SCAF8: variants seen among roughly 807,000 people sequenced by gnomAD.
The protein encoded by SCAF8 is SR-related CTD associated factor 8, also known as SR-related and CTD-associated factor 8.
SCAF8 carries 23 observed loss-of-function variants against 140.5 expected under a neutral mutation model. That is an observed-to-expected ratio of 0.16 (90% confidence interval 0.12 to 0.23). The LOEUF is 0.23. SCAF8 is among the 10% of genes least tolerant of loss of function. The pLI is 1.00. For missense variants in SCAF8, 1,397 were observed against 1,555.7 expected, an observed-to-expected ratio of 0.90 and a Z score of 1.72; for synonymous variants, 575 against 528.9, an observed-to-expected ratio of 1.09 and a Z score of -1.20.
intron 14 of SCAF8, among the ~76,000 whole-genome samples, chr6:154,818,814 C>T (rs1218370449): frequency 6.6e-6 from 1 of 152,114 alleles, no homozygotes; most frequent in African/African-American, 2.4e-5. Context: ...AAAAATAAGT[C>T]CAATAACGAG....
chr6:154,745,148 T>TGAAGAGGAGGAA (rs1200233298), intron 1 of SCAF8, among the ~76,000 whole-genome samples: 5 of 152,198 alleles, frequency 3.3e-5, no homozygotes, highest in Non-Finnish European at 1.5e-5. Context: ...GTGAATCAAT[T>TGAAGAGGAGGAA]GGTTACTCCT....
At chr6:154,809,019 C>A (rs981866280) in intron 11 of SCAF8, among the ~76,000 whole-genome samples, 2 of 152,106 alleles carry the variant, frequency 1.3e-5, no homozygotes, top group African/African-American at 4.8e-5. Context: ...GCAGCCATAT[C>A]ATGAGACAGG....
intron 1 of SCAF8, among the ~76,000 whole-genome samples, chr6:154,769,602 T>C (rs1776678733): frequency 1.3e-5 from 2 of 152,236 alleles, no homozygotes; most frequent in African/African-American, 4.8e-5. Context: ...TGAGCTGTTC[T>C]AGTGTGCTCT....
chr6:154,816,362 C>A (rs1373036989), intron 13 of SCAF8, among the ~76,000 whole-genome samples: 1 of 152,184 alleles, frequency 6.6e-6, no homozygotes, highest in Non-Finnish European at 1.5e-5. Flanking sequence ...GAGCATAACT[C>A]TTTCACTCTT....
Position 154,770,367 on chromosome 6 carries a change from G to GGT in SCAF8, c.31-3621_31-3620dup, listed in dbSNP as rs1304568231. 1.9e-4 allele frequency among the ~76,000 whole-genome samples: 28 copies of GGT among 148,720 alleles called. No individual in the cohort carries two copies. In the East Asian group the frequency reaches 4.7e-3, roughly 25 times the overall value. Reference sequence around the variant, plus strand: ...TAGTGCCAGCTACTTGAGAGGTTGAGGTACACACACACACACACACACTCT... The same window carrying GGT: ...TAGTGCCAGCTACTTGAGAGGTTGAGGTGTACACACACACACACACACACTCT... On this transcript the variant is annotated intron_variant, in intron 1 of 19. Transcript: ENST00000367178.
At chr6:154,830,872 C>T (rs781112497) in intron 18 of SCAF8, 50 bp from the exon 19 acceptor site, 2 of 1,413,306 alleles carry the variant, frequency 1.4e-6, no homozygotes, top group Non-Finnish European at 2.0e-6. Flanking sequence ...AAACTTAGCA[C>T]ATGAATTGAC....
chr6:154,741,935 T>C, intron 1 of SCAF8: 2 of 1,516,266 alleles, frequency 1.3e-6, no homozygotes, highest in Non-Finnish European at 1.8e-6. Context: ...CTCAACATCT[T>C]TCTCTACTCC....
At chr6:154,783,539 AT>A (rs1777146289) in intron 3 of SCAF8, among the ~76,000 whole-genome samples, 1 of 152,108 alleles carries the variant, frequency 6.6e-6, no homozygotes, top group Non-Finnish European at 1.5e-5. Flanking sequence ...ATTTGTGGTG[AT>A]TTTCAAGTTA....
intron 1 of SCAF8, among the ~76,000 whole-genome samples, 154 bp from the exon 2 acceptor site, chr6:154,773,835 T>G (rs1776844307): frequency 6.6e-6 from 1 of 152,258 alleles, no homozygotes; most frequent in Non-Finnish European, 1.5e-5. Flanking sequence ...AGTTTTGATT[T>G]GCATTTGCCT....
At chr6:154,733,386 C>G (rs1279908993), upstream of SCAF8, 5 of 1,342,670 alleles carry the variant, frequency 3.7e-6, no homozygotes, top group East Asian at 9.3e-5. Context: ...CCGCGGATCC[C>G]CGAACTGCGC....
chr6:154,775,004 T>C (rs186381064), intron 2 of SCAF8, among the ~76,000 whole-genome samples: 4 of 152,320 alleles, frequency 2.6e-5, no homozygotes, highest in Middle Eastern at 3.4e-3. Flanking sequence ...TTCAGTGATA[T>C]GTTTTCCTGC....
Position 154,832,959 on chromosome 6 carries a change from A to G in SCAF8, c.3380A>G (p.Asn1127Ser), listed in dbSNP as rs376346984. 31 of 1,614,006 alleles carry G rather than the reference A, an allele frequency of 1.9e-5. No homozygotes were observed. Among genetic ancestry groups the G allele is most frequent in the Non-Finnish European group, 2.5e-5 (30 of 1,180,006 alleles). Residue 1127 changes from asparagine to serine, a missense_variant, in exon 20 of 20, where the codon AAC (asparagine) becomes AGC (serine). By Grantham distance (46) the Asn-to-Ser change is conservative (BLOSUM62 1). Transcript: ENST00000367178. ...HEERGRFRSGNYRFDPRSGPW... is the reference protein window; with the variant it reads ...HEERGRFRSGSYRFDPRSGPW... ...GAAAGAGGTAGATTTCGGTCTGGAA[A>G]CTATCGATTTGATCCTAGAAGTGGT...
chr6:154,757,520 C>T (rs1331283301), intron 1 of SCAF8, among the ~76,000 whole-genome samples: 1 of 152,150 alleles, frequency 6.6e-6, no homozygotes, highest in African/African-American at 2.4e-5. Flanking sequence ...ATTTGGTTGC[C>T]TGTTACCTTT....
At chr6:154,809,028 G>C (rs1258555069) in intron 11 of SCAF8, among the ~76,000 whole-genome samples, 1 of 152,088 alleles carries the variant, frequency 6.6e-6, no homozygotes, top group African/African-American at 2.4e-5. Flanking sequence ...TCATGAGACA[G>C]GGATTTTGAA....
At position 154,784,150 on chromosome 6, in the gene SCAF8, TATATA is replaced by T. The variant is rs1562444218; in HGVS notation, c.160-3710_160-3706del. Among the ~76,000 whole-genome samples, 178 of 125,670 alleles carry T rather than the reference TATATA, an allele frequency of 1.4e-3. 2 individuals are homozygous for T. Among genetic ancestry groups the T allele is most frequent in the Middle Eastern group, 8.7e-3 (2 of 230 alleles). 82.4% of individuals were successfully genotyped at this position (125,670 alleles called of 152,430 possible). ...ATATATATATATATATATATATATATATATATATTTATTTATTTATTTTTCATGTA... is the reference window on the plus strand; with the variant it reads ...ATATATATATATATATATATATATATTATTTATTTATTTATTTTTCATGTA... On this transcript the variant is annotated intron_variant, in intron 3 of 19. Transcript: ENST00000367178.
intron 3 of SCAF8, among the ~76,000 whole-genome samples, chr6:154,782,236 G>A (rs569174965): frequency 9.2e-5 from 14 of 152,236 alleles, no homozygotes; most frequent in African/African-American, 3.1e-4. Context: ...GCAAAACCCT[G>A]TCCCAGCCTA....
intron 1 of SCAF8, among the ~76,000 whole-genome samples, chr6:154,772,050 T>C (rs1160736157): frequency 1.3e-5 from 2 of 151,796 alleles, no homozygotes; most frequent in African/African-American, 4.9e-5. Context: ...GAGACAAATA[T>C]GGGGAAAAAC....
chr6:154,784,934 A>G (rs1777208301), intron 3 of SCAF8, among the ~76,000 whole-genome samples: 1 of 152,226 alleles, frequency 6.6e-6, no homozygotes, highest in African/African-American at 2.4e-5. Flanking sequence ...AGAACTTTGA[A>G]GCCCACAAGC....
chr6:154,780,497 A>C (rs936384386), intron 3 of SCAF8, among the ~76,000 whole-genome samples: 3 of 151,264 alleles, frequency 2.0e-5, no homozygotes, highest in South Asian at 2.1e-4. Flanking sequence ...TACATTAGCT[A>C]TTTGTCCTAA....
Sources: allele counts gnomAD v4.1 joint callset (sites outside exome capture counted in the v4.1 genomes callset), GRCh38; gene constraint gnomAD v4.1.1; transcripts MANE v1.5; gene names NCBI Gene and HGNC (gene_info 2026-07-23, HGNC 2026-07-21).